The following FAM135B variants were observed in gnomAD, a reference collection of about 807,000 sequenced individuals.
The protein encoded by FAM135B is family with sequence similarity 135 member B, also known as protein FAM135B.
In FAM135B, 43 loss-of-function variants were observed where a neutral mutation model predicts 127.7. The observed-to-expected ratio is 0.34, with a 90% CI of 0.26 to 0.43. The LOEUF is 0.43. Ranked by LOEUF, FAM135B falls within the 20% of genes least tolerant of loss-of-function variation. The probability of loss-of-function intolerance (pLI) is 1.00; values close to 1 mark genes in which losing one functional copy is unlikely to be tolerated. For synonymous variants in FAM135B, 670 were observed against 665.1 expected (o/e 1.01, Z -0.11); for missense variants, 1,558 against 1,725.6 (o/e 0.90, Z 1.72).
At chr8:138,424,214 A>T (rs1202628177) in intron 1 of FAM135B, among the ~76,000 whole-genome samples, 3 of 152,334 alleles carry the variant, frequency 2.0e-5, no homozygotes, top group East Asian at 3.9e-4. Flanking sequence ...GGAAATCACA[A>T]GGGTATTGAT....
chr8:138,476,471 A>C (rs1814450041), intron 1 of FAM135B, among the ~76,000 whole-genome samples: 1 of 146,850 alleles, frequency 6.8e-6, no homozygotes. Context: ...GATGTGGGGT[A>C]TCTCTCTATT....
chr8:138,485,150 G>T (rs1814936461), intron 1 of FAM135B, among the ~76,000 whole-genome samples: 1 of 152,084 alleles, frequency 6.6e-6, no homozygotes, highest in Non-Finnish European at 1.5e-5. Context: ...ATCTATTTTA[G>T]AAATTATACT....
intron 1 of FAM135B, among the ~76,000 whole-genome samples, chr8:138,403,761 C>A (rs140332630): frequency 6.6e-6 from 1 of 152,184 alleles, no homozygotes; most frequent in Non-Finnish European, 1.5e-5. Context: ...CAAAGACCTA[C>A]ACCTCAGTGT....
chr8:138,241,561 T>C lies in FAM135B; in HGVS notation c.669+1381A>G, dbSNP rs531980911. On this transcript the variant is annotated intron_variant, in intron 7 of 19. Transcript: ENST00000395297. The surrounding 1 kb of genome is among the most constrained non-coding windows in gnomAD (Gnocchi z 4.8). ...GGCTGGGTCTCAGAGCTAGCAAAGATAACATCACAGGAGAGCCAGCTGAGT... is the reference window on the plus strand; with the variant it reads ...GGCTGGGTCTCAGAGCTAGCAAAGACAACATCACAGGAGAGCCAGCTGAGT... Among the ~76,000 whole-genome samples the C allele has an allele frequency of 1.2e-4, 19 of 152,168 alleles. No homozygotes were observed. The highest frequency in any genetic ancestry group is 4.1e-4 in the South Asian group (2 of 4,824).
Position 138,132,522 on chromosome 8 carries a change from G to T in FAM135B, c.*71C>A. The stretch of plus-strand genomic sequence containing the variant: ...GCTTCATTCTGAAATGGTGAGGTCT[G>T]TAAAAGCAGGTCTCAGCTAAAGCTC... On this transcript the variant is annotated 3_prime_UTR_variant, in exon 20 of 20. Coordinates refer to ENST00000395297, the MANE Select transcript of FAM135B (RefSeq NM_015912.4). The surrounding 1 kb of genome is among the most constrained non-coding windows in gnomAD (Gnocchi z 4.5). The T allele has an allele frequency of 7.6e-7, 1 of 1,318,740 alleles. No individual in the cohort carries two copies. Among genetic ancestry groups the T allele is most frequent in the Non-Finnish European group, 1.1e-6 (1 of 921,306 alleles). The allele number at this position is 1,318,740 out of a possible 1,614,324, so 81.7% of individuals were successfully genotyped here. A position where few individuals can be genotyped will look rare whatever the true frequency, so the allele number is the denominator to read the frequency against.
At chr8:138,371,565 C>A (rs1831125154) in intron 1 of FAM135B, among the ~76,000 whole-genome samples, 1 of 152,162 alleles carries the variant, frequency 6.6e-6, no homozygotes, top group South Asian at 2.1e-4. Context: ...TGTCAGCATA[C>A]ATCATGCTCA....
chr8:138,245,259 T>C (rs531386215), intron 6 of FAM135B, among the ~76,000 whole-genome samples: 4 of 152,290 alleles, frequency 2.6e-5, no homozygotes, highest in African/African-American at 7.2e-5. Context: ...AAATTCTCAA[T>C]AGAATAGTAT....
In FAM135B at chr8:138,317,282, A is replaced by C. The variant is rs1311389089; in HGVS notation, c.78-6362T>G. 2.0e-5 allele frequency among the ~76,000 whole-genome samples: 3 copies of C among 152,348 alleles called. No individual in the cohort carries two copies. The South Asian group carries it at 6.2e-4, about 32-fold the overall frequency. ...TTGAAAAAGGTGTATATTTCCATTTACATGGCAAGTTTAAAGTTGCAAAAT... is the reference window on the plus strand; with the variant it reads ...TTGAAAAAGGTGTATATTTCCATTTCCATGGCAAGTTTAAAGTTGCAAAAT... On this transcript the variant is annotated intron_variant, in intron 2 of 19. Coordinates refer to ENST00000395297, the MANE Select transcript of FAM135B (RefSeq NM_015912.4).
intron 1 of FAM135B, among the ~76,000 whole-genome samples, chr8:138,392,893 T>C (rs944700156): frequency 2.0e-4 from 31 of 152,174 alleles, no homozygotes; most frequent in African/African-American, 7.5e-4. Context: ...AGAATACTCC[T>C]TAATCGGTGT....
At chr8:138,354,705 A>C (rs901239644) in intron 2 of FAM135B, among the ~76,000 whole-genome samples, 2 of 152,184 alleles carry the variant, frequency 1.3e-5, no homozygotes, top group Non-Finnish European at 2.9e-5. Context: ...CTCCTAAATG[A>C]GCAAATTGAT....
At chr8:138,326,143 C>A (rs1185465221) in intron 2 of FAM135B, among the ~76,000 whole-genome samples, 1 of 152,150 alleles carries the variant, frequency 6.6e-6, no homozygotes, top group Non-Finnish European at 1.5e-5. Context: ...TGCTTTTATT[C>A]ATATGGGCTG....
At chr8:138,451,312 A>T (rs528803133) in intron 1 of FAM135B, among the ~76,000 whole-genome samples, 1 of 152,352 alleles carries the variant, frequency 6.6e-6, no homozygotes, top group Non-Finnish European at 1.5e-5. Flanking sequence ...ACCTTGACTG[A>T]CACACTTCTT....
intron 12 of FAM135B, among the ~76,000 whole-genome samples, chr8:138,155,082 C>G (rs1256433018): frequency 6.6e-6 from 1 of 152,212 alleles, no homozygotes; most frequent in Non-Finnish European, 1.5e-5. Flanking sequence ...GCCCATCAGA[C>G]TAACAGTGGA....
chr8:138,405,179 G>A (rs1833395544), intron 1 of FAM135B, among the ~76,000 whole-genome samples: 1 of 151,812 alleles, frequency 6.6e-6, no homozygotes, highest in African/African-American at 2.4e-5. Flanking sequence ...GTGAACAGGT[G>A]CATTTTCAAT....
chr8:138,174,743 T>C (rs1056895535), intron 11 of FAM135B, among the ~76,000 whole-genome samples: 1 of 152,180 alleles, frequency 6.6e-6, no homozygotes, highest in Non-Finnish European at 1.5e-5. Flanking sequence ...CTGATTCAGA[T>C]CTCCACTCAA....
At chr8:138,224,584 T>C (rs763231193) in intron 7 of FAM135B, among the ~76,000 whole-genome samples, 22 of 152,142 alleles carry the variant, frequency 1.4e-4, no homozygotes, top group Non-Finnish European at 2.8e-4. Flanking sequence ...ACAACTAGCA[T>C]GGAAGAATAG....
At chr8:138,211,442 TA>T (rs906784866) in intron 7 of FAM135B, among the ~76,000 whole-genome samples, 1 of 152,170 alleles carries the variant, frequency 6.6e-6, no homozygotes, top group African/African-American at 2.4e-5. Flanking sequence ...AGCTCAAAAA[TA>T]ATCTGAGCAA....
At chr8:138,268,514 C>CT (rs909755333) in intron 3 of FAM135B, among the ~76,000 whole-genome samples, 4 of 152,144 alleles carry the variant, frequency 2.6e-5, no homozygotes, top group East Asian at 1.9e-4. Flanking sequence ...GAACAGGTGT[C>CT]TTTTTTTACA....
intron 3 of FAM135B, among the ~76,000 whole-genome samples, chr8:138,274,054 T>C (rs1322862117): frequency 1.3e-5 from 2 of 152,200 alleles, no homozygotes; most frequent in Middle Eastern, 3.2e-3. Flanking sequence ...TACAGAACCT[T>C]TGATTATATT....
Sources: allele counts gnomAD v4.1 joint callset (sites outside exome capture counted in the v4.1 genomes callset), GRCh38; gene constraint gnomAD v4.1.1; non-coding constraint Gnocchi (gnomAD v3.1); transcripts MANE v1.5; gene names NCBI Gene and HGNC (gene_info 2026-07-23, HGNC 2026-07-21).